Variants in UBR3 observed in about 807,000 individuals in gnomAD.
UBR3 encodes the protein E3 ubiquitin-protein ligase UBR3.
In UBR3, 85 loss-of-function variants were observed where a neutral mutation model predicts 243.2. The observed-to-expected ratio is 0.35, with a 90% CI of 0.29 to 0.42. The LOEUF is 0.42. Among genes scored for constraint, UBR3 ranks in the 10% least tolerant of loss-of-function variants. UBR3 has a pLI of 1.00. For missense variants in UBR3, 1,686 were observed against 2,300.8 expected (o/e 0.73, Z 5.47); for synonymous variants, 748 against 799.8 (o/e 0.94, Z 1.09).
chr2:170,012,809 G>T (rs542009058), intron 29 of UBR3, among the ~76,000 whole-genome samples: 102 of 152,184 alleles, frequency 6.7e-4, no homozygotes, highest in African/African-American at 2.4e-3. Context: ...AGAATGTGGG[G>T]TGTGTAGTGT....
chr2:169,877,634 C>G lies in UBR3; in HGVS notation c.985C>G (p.Gln329Glu). The G allele has an allele frequency of 6.5e-7, 1 of 1,537,858 alleles. No individual in the cohort carries two copies. The highest frequency in any genetic ancestry group is 1.2e-5 in the South Asian group (1 of 80,012). The change falls in exon 4 of 39, where the codon CAA becomes GAA. Residue 329 changes from glutamine to glutamate, a missense_variant. Around this residue, in one of 8 missense-constraint regions of UBR3, gnomAD observed 200 missense variants for 231.6 expected, o/e 0.86. Transcript: ENST00000272793. ...PSAGTSSLAV[Q>E]GFIGATGTLG... ...TGCTGGTACTAGTTCTCTGGCTGTT[C>G]AAGGTTTGTCTAAATATTTAATTTG...
chr2:169,919,652 T>C (rs1169949937), intron 11 of UBR3, among the ~76,000 whole-genome samples: 2 of 152,106 alleles, frequency 1.3e-5, no homozygotes, highest in East Asian at 1.9e-4. Flanking sequence ...GGGCAAAGGA[T>C]ATGAACAGAC....
At chr2:169,840,831 G>A (rs2082265744) in intron 1 of UBR3, among the ~76,000 whole-genome samples, 1 of 152,198 alleles carries the variant, frequency 6.6e-6, no homozygotes, top group African/African-American at 2.4e-5. Flanking sequence ...TCCTTTGGGA[G>A]TGGCAGCCTT....
In UBR3 at chr2:169,990,720, C is replaced by T. The variant is rs966647180; in HGVS notation, c.3785-3603C>T. ...AAACACTATAAAAAAAAGTTATACA[C>T]ACACACACACACACACACACACACA... is the stretch of plus-strand genomic sequence containing the variant. On this transcript the variant is annotated intron_variant, in intron 25 of 38. Coordinates refer to ENST00000272793, the MANE Select transcript of UBR3 (RefSeq NM_172070.4). 6.3e-5 allele frequency among the ~76,000 whole-genome samples: 8 copies of T among 126,142 alleles called. No homozygotes were observed. The East Asian group carries it at 8.8e-4, about 14-fold the overall frequency. The allele number at this position is 126,142 out of a possible 152,430, so 82.8% of individuals were successfully genotyped here.
intron 1 of UBR3, among the ~76,000 whole-genome samples, chr2:169,844,872 AT>A (rs1160495558): frequency 1.3e-5 from 2 of 151,934 alleles, no homozygotes; most frequent in Non-Finnish European, 2.9e-5. Flanking sequence ...GTTGTTCTCA[AT>A]TTCATTGATA....
intron 11 of UBR3, among the ~76,000 whole-genome samples, chr2:169,914,658 C>T (rs1054565778): frequency 6.6e-6 from 1 of 152,112 alleles, no homozygotes; most frequent in Admixed American, 6.6e-5. Context: ...TGCTTTTATT[C>T]GTTGGCCAAG....
intron 5 of UBR3, among the ~76,000 whole-genome samples, chr2:169,885,000 C>T (rs2084035487): frequency 6.6e-6 from 1 of 152,040 alleles, no homozygotes; most frequent in African/African-American, 2.4e-5. Context: ...TATTTTATGC[C>T]ATTTAAATAT....
chr2:169,926,559 TG>T lies in UBR3; in HGVS notation c.2152-130del, dbSNP rs2085917119. On this transcript the variant is annotated intron_variant, in intron 14 of 38. Transcript: ENST00000272793. ...GCAGTGAGCTGAGGTTGCACCAGCT[TG>T]GGTGAGAGTGAGACTCTGTCTCAAA... The T allele has an allele frequency of 1.8e-5, 16 of 903,060 alleles. No individual in the cohort carries two copies. The South Asian group carries it at 2.5e-4, about 14-fold the overall frequency. The allele number at this position is 903,060 out of a possible 1,614,324, so 55.9% of individuals were successfully genotyped here.
At chr2:169,972,099 A>G (rs945235783) in intron 24 of UBR3, among the ~76,000 whole-genome samples, 1 of 152,234 alleles carries the variant, frequency 6.6e-6, no homozygotes, top group African/African-American at 2.4e-5. Flanking sequence ...CACCGATCCC[A>G]CAGAAATACA....
intron 30 of UBR3, among the ~76,000 whole-genome samples, chr2:170,023,599 T>G (rs2105417705): frequency 6.6e-6 from 1 of 151,380 alleles, no homozygotes; most frequent in South Asian, 2.1e-4. Flanking sequence ...CTTTGTTTTG[T>G]TTTGTTTTTT....
intron 31 of UBR3, among the ~76,000 whole-genome samples, chr2:170,034,291 A>C (rs2090766932): frequency 6.6e-6 from 1 of 151,936 alleles, no homozygotes; most frequent in Admixed American, 6.6e-5. Context: ...GTATCATACA[A>C]AGTAGTTTCA....
intron 7 of UBR3, among the ~76,000 whole-genome samples, chr2:169,895,957 T>TAA (rs200539633): frequency 6.2e-5 from 9 of 144,574 alleles, no homozygotes; most frequent in African/African-American, 1.5e-4. Flanking sequence ...TTATATCTGC[T>TAA]AAAAAAAAAA....
intron 1 of UBR3, among the ~76,000 whole-genome samples, chr2:169,857,209 GACTTACAGGCACGTGTC>G (rs2105298759): frequency 6.6e-6 from 1 of 151,074 alleles, no homozygotes; most frequent in Non-Finnish European, 1.5e-5. Context: ...GAGTAGCTGG[GACTTACAGGCACGTGTC>G]ACCATGCCCA....
chr2:169,959,535 G>C (rs1332544215), intron 24 of UBR3, among the ~76,000 whole-genome samples: 1 of 151,950 alleles, frequency 6.6e-6, no homozygotes, highest in Admixed American at 6.6e-5. Context: ...TTACTGGAGA[G>C]CTATGAAGTT....
chr2:169,841,220 T>G (rs1238569481), intron 1 of UBR3, among the ~76,000 whole-genome samples: 1 of 152,200 alleles, frequency 6.6e-6, no homozygotes, highest in Non-Finnish European at 1.5e-5. Flanking sequence ...CACCTCATTG[T>G]CTCTCCTTGG....
In UBR3 at chr2:169,882,348, GTAAATATATATTATATA is replaced by G. The variant is rs1559054825; in HGVS notation, c.1038+3776_1038+3792del. On this transcript the variant is annotated intron_variant, in intron 5 of 38. Transcript: ENST00000272793. ...TATATATGTATTATATAATATATAT[GTAAATATATATTATATA>G]TGTAAATATATATTATATATAAAAA... 4.3e-3 allele frequency among the ~76,000 whole-genome samples: 107 copies of G among 24,888 alleles called. 1 individual carries two copies. The highest frequency in any genetic ancestry group is 0.012 in the Non-Finnish European group (72 of 6,192). 16.3% of individuals were successfully genotyped at this position (24,888 alleles called of 152,430 possible). A position where few individuals can be genotyped will look rare whatever the true frequency, so the allele number is the denominator to read the frequency against.
intron 1 of UBR3, among the ~76,000 whole-genome samples, chr2:169,854,681 C>T (rs2082776461): frequency 6.6e-6 from 1 of 151,952 alleles, no homozygotes; most frequent in African/African-American, 2.4e-5. Flanking sequence ...CACTATCCAC[C>T]TTATGAAATA....
chr2:169,924,878 C>T (rs931057978), intron 13 of UBR3, among the ~76,000 whole-genome samples: 2 of 151,984 alleles, frequency 1.3e-5, no homozygotes, highest in Non-Finnish European at 2.9e-5. Context: ...ACTGAATATA[C>T]AAAAATTAGC....
At chr2:169,981,298 A>G (rs1004599048) in intron 24 of UBR3, among the ~76,000 whole-genome samples, 1 of 152,204 alleles carries the variant, frequency 6.6e-6, no homozygotes, top group African/African-American at 2.4e-5. Flanking sequence ...AACTTGGGAA[A>G]CATCTTAACC....
Sources: gnomAD v4.1 joint callset for allele counts (sites outside exome capture counted in the v4.1 genomes callset) on GRCh38, gnomAD v4.1.1 for gene constraint, gnomAD v4.1.1 regional missense constraint, MANE v1.5 for transcripts, NCBI Gene and HGNC (gene_info 2026-07-23, HGNC 2026-07-21) for gene names.